HERC3: variants seen among roughly 807,000 people sequenced by gnomAD.
HERC3 encodes the protein probable E3 ubiquitin-protein ligase HERC3.
HERC3 carries 58 observed loss-of-function variants against 129.9 expected under a neutral mutation model. That is an observed-to-expected ratio of 0.45 (90% CI 0.36 to 0.56). The LOEUF is 0.56. HERC3 is among the 20% of genes least tolerant of loss of function. The pLI is 0.00. For missense variants in HERC3, 835 were observed against 1,244.2 expected (o/e 0.67, Z 4.95); for synonymous variants, 430 against 451.0 (o/e 0.95, Z 0.59).
chr4:88,637,767 T>C (rs968545560), intron 3 of HERC3, among the ~76,000 whole-genome samples: 2 of 151,888 alleles, frequency 1.3e-5, no homozygotes, highest in African/African-American at 2.4e-5. Context: ...CTGAAGGAGA[T>C]AGAGACATGA....
At chr4:88,606,967 C>G (rs907897091) in intron 3 of HERC3, among the ~76,000 whole-genome samples, 3 of 152,196 alleles carry the variant, frequency 2.0e-5, no homozygotes, top group African/African-American at 7.2e-5. Context: ...TCCTTTGTTT[C>G]TGCAACATGC....
chr4:88,630,855 C>T (rs2930807), intron 3 of HERC3, among the ~76,000 whole-genome samples: 56,844 of 151,922 alleles, frequency 0.37, 12,629 homozygotes, highest in African/African-American at 0.61. Flanking sequence ...GATTATGCCA[C>T]GGTTGGCAAT....
the HERC3 span, among the ~76,000 whole-genome samples, chr4:88,567,584 A>G: frequency 6.6e-6 from 1 of 152,110 alleles, no homozygotes; most frequent in African/African-American, 2.4e-5. Context: ...ACTCTGATGC[A>G]TTCTTCAGTA....
At chr4:88,558,071 C>CAAA in the HERC3 span, among the ~76,000 whole-genome samples, 20 of 39,136 alleles carry the variant, frequency 5.1e-4, no homozygotes, top group South Asian at 1.5e-3. Context: ...GACTCTGACT[C>CAAA]AAAAAAAAAA....
At chr4:88,642,150 A>C (rs1046903533) in intron 3 of HERC3, among the ~76,000 whole-genome samples, 1 of 151,332 alleles carries the variant, frequency 6.6e-6, no homozygotes, top group Non-Finnish European at 1.5e-5. Flanking sequence ...AAAAAAAAAA[A>C]AAGGAAGGAA....
At chr4:88,582,523 C>T in the HERC3 span, among the ~76,000 whole-genome samples, 2 of 152,110 alleles carry the variant, frequency 1.3e-5, no homozygotes, top group Admixed American at 1.3e-4. Flanking sequence ...TCTGAAGTTC[C>T]CATATTTGAC....
intron 23 of HERC3, among the ~76,000 whole-genome samples, chr4:88,688,704 A>G (rs975223685): frequency 3.9e-5 from 6 of 152,234 alleles, no homozygotes; most frequent in Non-Finnish European, 8.8e-5. Flanking sequence ...ATATCTCAAT[A>G]AAGAAGTCTT....
chr4:88,689,386 G>A (rs1365207687), intron 23 of HERC3, among the ~76,000 whole-genome samples: 1 of 151,278 alleles, frequency 6.6e-6, no homozygotes, highest in Non-Finnish European at 1.5e-5. Flanking sequence ...GTGTGTGGCA[G>A]TGCACATCTG....
chr4:88,648,370 A>G (rs1411338077), intron 3 of HERC3, among the ~76,000 whole-genome samples: 2 of 152,184 alleles, frequency 1.3e-5, no homozygotes, highest in Non-Finnish European at 2.9e-5. Flanking sequence ...TTCTGAGAAA[A>G]GCAGTATGGG....
intron 21 of HERC3, among the ~76,000 whole-genome samples, chr4:88,685,763 A>AAATAAT (rs139475837): frequency 0.14 from 20,842 of 151,538 alleles, 1,615 homozygotes; most frequent in East Asian, 0.19. Context: ...ACTTAAAGTA[A>AAATAAT]AATAATAATA....
intron 21 of HERC3, among the ~76,000 whole-genome samples, chr4:88,683,016 T>C (rs1357089933): frequency 6.6e-6 from 1 of 152,246 alleles, no homozygotes; most frequent in African/African-American, 2.4e-5. Context: ...ATCGCCATTC[T>C]GACTGGTGTG....
At chr4:88,560,856 G>T in the HERC3 span, among the ~76,000 whole-genome samples, 1 of 152,030 alleles carries the variant, frequency 6.6e-6, no homozygotes, top group South Asian at 2.1e-4. Context: ...TCTCTCCATT[G>T]TGTTCTCTTG....
rs534445653 is a variant in HERC3, at chr4:88,610,449, G to A, written c.226+4400G>A. Among the ~76,000 whole-genome samples the A allele has an allele frequency of 6.5e-3, 569 of 88,058 alleles. 4 individuals carry two copies. Among genetic ancestry groups the A allele is most frequent in the African/African-American group, 0.02 (533 of 26,172 alleles). 57.8% of individuals were successfully genotyped at this position (88,058 alleles called of 152,430 possible). ...AGCCTGGGGGACAGAGCGAGACTCC[G>A]TCTCAAAAAAAAAAAAAAAAAAGAA... On this transcript the variant is annotated intron_variant, in intron 3 of 25. Coordinates refer to ENST00000402738, the MANE Select transcript of HERC3 (RefSeq NM_014606.3).
chr4:88,606,286 C>T (rs1369725785), intron 3 of HERC3, among the ~76,000 whole-genome samples: 3 of 149,362 alleles, frequency 2.0e-5, no homozygotes, highest in African/African-American at 7.4e-5. Context: ...TGGTCTCGCT[C>T]CGTCGCCCAG....
intron 3 of HERC3, among the ~76,000 whole-genome samples, chr4:88,645,587 A>G (rs978950772): frequency 2.6e-5 from 4 of 152,040 alleles, no homozygotes; most frequent in African/African-American, 9.7e-5. Flanking sequence ...ACCAAATTCT[A>G]TATATACTAT....
chr4:88,623,074 C>A (rs181136827), intron 3 of HERC3, among the ~76,000 whole-genome samples: 142 of 152,278 alleles, frequency 9.3e-4, no homozygotes, highest in African/African-American at 2.5e-3. Context: ...GGCTATTATT[C>A]TTATTATTGA....
chr4:88,527,823 T>C, the HERC3 span: 1 of 325,000 alleles, frequency 3.1e-6, no homozygotes, highest in Non-Finnish European at 6.1e-6. Context: ...TGCACTTTGT[T>C]TACGAACGGA....
intron 18 of HERC3, 87 bp from the exon 19 acceptor site, chr4:88,677,877 C>T (rs1042117327): frequency 1.9e-5 from 23 of 1,183,100 alleles, no homozygotes; most frequent in Admixed American, 6.2e-5. Flanking sequence ...ATGCAGTCAG[C>T]GCCCCCAAGT....
chr4:88,533,610 CA>C, the HERC3 span, among the ~76,000 whole-genome samples: 1 of 152,128 alleles, frequency 6.6e-6, no homozygotes, highest in Non-Finnish European at 1.5e-5. Flanking sequence ...AACAGCATGC[CA>C]AAAGCCTTTG....
Sources: gnomAD v4.1 joint callset for allele counts (sites outside exome capture counted in the v4.1 genomes callset) on GRCh38, gnomAD v4.1.1 for gene constraint, MANE v1.5 for transcripts, NCBI Gene and HGNC (gene_info 2026-07-23, HGNC 2026-07-21) for gene names.